Variants in TPST2 observed in about 807,000 individuals in gnomAD.
The protein encoded by TPST2 is tyrosylprotein sulfotransferase 2.
In TPST2, 16 loss-of-function variants were observed where a neutral mutation model predicts 27.8. The observed-to-expected ratio is 0.58, with a 90% CI of 0.39 to 0.88. The LOEUF (loss-of-function observed/expected upper bound fraction) is 0.88, where lower values mean the gene tolerates loss of function less well. TPST2 is among the 40% of genes least tolerant of loss of function. The pLI, the probability that TPST2 is intolerant of heterozygous loss-of-function variation, is 0.00. For missense variants in TPST2, 464 were observed against 543.1 expected (o/e 0.85, Z 1.45); for synonymous variants, 229 against 231.7 (o/e 0.99, Z 0.10).
chr22:26,569,128 G>A (rs1250965435), intron 1 of TPST2, among the ~76,000 whole-genome samples: 2 of 152,078 alleles, frequency 1.3e-5, no homozygotes, highest in South Asian at 2.1e-4. Context: ...CTCCCAAAGC[G>A]CTGGGATTAC....
At chr22:26,547,921 T>G (rs1337935077) in intron 1 of TPST2, among the ~76,000 whole-genome samples, 1 of 152,234 alleles carries the variant, frequency 6.6e-6, no homozygotes, top group East Asian at 1.9e-4. Flanking sequence ...TCTTTCCATA[T>G]GATAAAATAA....
At chr22:26,556,427 C>T (rs1926795796) in intron 1 of TPST2, among the ~76,000 whole-genome samples, 1 of 152,092 alleles carries the variant, frequency 6.6e-6, no homozygotes, top group South Asian at 2.1e-4. Flanking sequence ...GTAATCCCAG[C>T]TACTTGGGAG....
At chr22:26,585,565 G>A (rs1187105524) in intron 1 of TPST2, among the ~76,000 whole-genome samples, 1 of 152,152 alleles carries the variant, frequency 6.6e-6, no homozygotes, top group African/African-American at 2.4e-5. Context: ...CAAGCAATCG[G>A]AATAGGCAGC....
intron 1 of TPST2, among the ~76,000 whole-genome samples, chr22:26,570,695 G>A (rs531192348): frequency 2.6e-5 from 4 of 151,174 alleles, no homozygotes; most frequent in South Asian, 4.2e-4. Flanking sequence ...CCTGCACCTG[G>A]GTGTTGAGCC....
chr22:26,571,917 C>T (rs763959716), intron 1 of TPST2, among the ~76,000 whole-genome samples: 22 of 152,284 alleles, frequency 1.4e-4, no homozygotes, highest in Admixed American at 3.3e-4. Flanking sequence ...CCCCACTGTC[C>T]GCCACCTGAT....
chr22:26,544,919 G>C (rs1474870592), intron 1 of TPST2, among the ~76,000 whole-genome samples: 1 of 152,210 alleles, frequency 6.6e-6, no homozygotes, highest in African/African-American at 2.4e-5. Context: ...GCTGAAGTCT[G>C]AGCTAAGGCG....
chr22:26,537,039 G>C (rs1167806034), intron 3 of TPST2, among the ~76,000 whole-genome samples: 5 of 151,840 alleles, frequency 3.3e-5, no homozygotes, highest in Non-Finnish European at 7.4e-5. Flanking sequence ...CTGGGCAACA[G>C]AGCAAGACCC....
At position 26,540,809 on chromosome 22, in the gene TPST2, G is replaced by A. The variant is rs140023376; in HGVS notation, c.822C>T (p.Pro274=). The change falls in exon 3 of 7, where the codon CCC becomes CCT. Residue 274 remains proline, a synonymous_variant. Transcript: ENST00000338754. The part of the protein sequence containing the change: ...VLHHEDLIGK[P]GGVSLSKIER... ...CTCACTTGGACAGGGAGACACCACC[G>A]GGCTTGCCAATGAGGTCTTCATGGT... 6.0e-4 allele frequency: 954 copies of A among 1,599,092 alleles called. 1 individual carries two copies. Among genetic ancestry groups the A allele is most frequent in the Non-Finnish European group, 7.5e-4 (879 of 1,170,382 alleles).
rs74343729 is a variant in TPST2, at chr22:26,567,099, C to T, written c.-160-22424G>A. Reference sequence around the variant, plus strand: ...CCCCATCAAGAACACTGGTCTATTGCGGGGTAAGAGGGGGTGAGACTAAGC... The same window carrying T: ...CCCCATCAAGAACACTGGTCTATTGTGGGGTAAGAGGGGGTGAGACTAAGC... On this transcript the variant is annotated intron_variant, in intron 1 of 6. Coordinates refer to ENST00000338754, the MANE Select transcript of TPST2 (RefSeq NM_003595.5). Among the ~76,000 whole-genome samples the T allele has an allele frequency of 3.7e-3, 561 of 152,264 alleles. 8 individuals carry two copies. Among genetic ancestry groups the T allele is most frequent in the East Asian group, 0.036 (185 of 5,178 alleles).
At position 26,541,163 on chromosome 22, in the gene TPST2, G is replaced by A; in HGVS notation, c.468C>T (p.Cys156=). The part of the protein sequence containing the change: ...AKHGEPARVL[C]NKDPFTLKSS... The stretch of plus-strand genomic sequence containing the variant: ...ACTTGAGCGTAAATGGGTCCTTGTT[G>A]CAGAGCACGCGGGCCGGCTCTCCGT... Residue 156 remains cysteine, a synonymous_variant, in exon 3 of 7, where the codon TGC becomes TGT. Coordinates refer to ENST00000338754, the MANE Select transcript of TPST2 (RefSeq NM_003595.5). This position sits in a 1 kb window ranked among gnomAD's most constrained non-coding sequence, Gnocchi z 5.9. The A allele has an allele frequency of 1.2e-6, 2 of 1,604,120 alleles. No homozygotes were observed. The highest frequency in any genetic ancestry group is 1.7e-6 in the Non-Finnish European group (2 of 1,173,766).
rs1924686703 is a variant in TPST2, at chr22:26,523,908, CA to C, written c.*2366del. The C allele has an allele frequency of 6.6e-6, 1 of 152,162 alleles. No individual in the cohort carries two copies. The allele number at this position is 152,162 out of a possible 1,614,324, so 9.4% of individuals were successfully genotyped here. Reference sequence around the variant, plus strand: ...TCTTTATTTTCTTTCAGTGTTTTCCCAGGAAGTTCTCTGAACATCCAGGGTC... The same window carrying C: ...TCTTTATTTTCTTTCAGTGTTTTCCCGGAAGTTCTCTGAACATCCAGGGTC... On this transcript the variant is annotated 3_prime_UTR_variant, in exon 7 of 7. Coordinates refer to ENST00000338754, the MANE Select transcript of TPST2 (RefSeq NM_003595.5).
At chr22:26,562,192 G>A (rs1406221587) in intron 1 of TPST2, among the ~76,000 whole-genome samples, 1 of 152,246 alleles carries the variant, frequency 6.6e-6, no homozygotes. Flanking sequence ...GGCAAGCCTA[G>A]CTCCTCCTTT....
intron 1 of TPST2, chr22:26,547,545 A>G (rs1245961017): frequency 1.3e-5 from 2 of 152,162 alleles, no homozygotes; most frequent in African/African-American, 4.8e-5. Context: ...ATTTTAAGCT[A>G]AGAAAGGCCC....
chr22:26,541,536 C>G lies in TPST2; in HGVS notation c.95G>C (p.Arg32Pro), dbSNP rs556389638. The G allele has an allele frequency of 1.8e-5, 29 of 1,611,526 alleles. No homozygotes were observed. Among genetic ancestry groups the G allele is most frequent in the Non-Finnish European group, 2.5e-5 (29 of 1,179,202 alleles). The change falls in exon 3 of 7, where the codon CGG becomes CCG. Residue 32 changes from arginine (R) to proline (P), a missense_variant. Coordinates refer to ENST00000338754, the MANE Select transcript of TPST2 (RefSeq NM_003595.5). The surrounding 1 kb of genome is among the most constrained non-coding windows in gnomAD (Gnocchi z 5.9). ...GCTCCGCAGGCCCGCCAGCACCGCCCGGCACTCTAGCACCTGCTGTCCCAG... is the reference window on the plus strand; with the variant it reads ...GCTCCGCAGGCCCGCCAGCACCGCCGGGCACTCTAGCACCTGCTGTCCCAG... ...VQLGQQVLECRAVLAGLRSPR... is the reference protein window; with the variant it reads ...VQLGQQVLECPAVLAGLRSPR...
chr22:26,574,454 C>T (rs919352207), intron 1 of TPST2, among the ~76,000 whole-genome samples: 2 of 152,174 alleles, frequency 1.3e-5, no homozygotes, highest in African/African-American at 4.8e-5. Flanking sequence ...CCCACAACAA[C>T]AGGCCTTCTC....
chr22:26,531,841 C>G (rs1175207562), intron 5 of TPST2, among the ~76,000 whole-genome samples: 1 of 152,164 alleles, frequency 6.6e-6, no homozygotes, highest in Non-Finnish European at 1.5e-5. Flanking sequence ...TTCCCACAAC[C>G]CCCACTCTGG....
intron 1 of TPST2, among the ~76,000 whole-genome samples, chr22:26,580,518 C>A (rs1170498519): frequency 6.6e-6 from 1 of 152,216 alleles, no homozygotes; most frequent in Non-Finnish European, 1.5e-5. Context: ...CTGAACACTA[C>A]CTTCCCAATG....
At chr22:26,538,316 CA>C (rs1481487734) in intron 3 of TPST2, among the ~76,000 whole-genome samples, 1 of 152,196 alleles carries the variant, frequency 6.6e-6, no homozygotes, top group Non-Finnish European at 1.5e-5. Flanking sequence ...CCCAATATGT[CA>C]AAAATCTTGA....
intron 1 of TPST2, among the ~76,000 whole-genome samples, chr22:26,548,416 T>C (rs984910014): frequency 7.2e-6 from 1 of 138,896 alleles, no homozygotes; most frequent in Non-Finnish European, 1.5e-5. Flanking sequence ...GATGTGAGTA[T>C]GAAACCAGGT....
Sources: gnomAD v4.1 joint callset for allele counts (sites outside exome capture counted in the v4.1 genomes callset) on GRCh38, gnomAD v4.1.1 for gene constraint, Gnocchi (gnomAD v3.1) non-coding constraint, MANE v1.5 for transcripts, NCBI Gene and HGNC (gene_info 2026-07-23, HGNC 2026-07-21) for gene names.